Variants in LEPR observed in about 807,000 individuals in gnomAD.
LEPR encodes leptin receptor.
In LEPR, 56 loss-of-function variants were observed where a neutral mutation model predicts 114.7. The observed-to-expected ratio is 0.49, with a 90% CI of 0.39 to 0.61. The LOEUF (loss-of-function observed/expected upper bound fraction) is 0.61, where lower values mean the gene tolerates loss of function less well. Ranked by LOEUF, LEPR falls within the 20% of genes least tolerant of loss-of-function variation. The probability of loss-of-function intolerance (pLI) is 0.00; values close to 1 mark genes in which losing one functional copy is unlikely to be tolerated. For synonymous variants in LEPR, 443 were observed against 461.4 expected (o/e 0.96, Z 0.51); for missense variants, 1,202 against 1,352.9 (o/e 0.89, Z 1.75).
intron 2 of LEPR, among the ~76,000 whole-genome samples, chr1:65,540,287 G>A (rs1651097153): frequency 6.6e-6 from 1 of 152,104 alleles, no homozygotes. Flanking sequence ...TTTGCTAATT[G>A]ATATGGTTTG....
intron 2 of LEPR, among the ~76,000 whole-genome samples, chr1:65,451,545 C>G (rs1049993736): frequency 6.6e-6 from 1 of 152,080 alleles, no homozygotes; most frequent in African/African-American, 2.4e-5. Flanking sequence ...ATCCTTTCCC[C>G]ATTGCTTGTT....
At chr1:65,578,493 C>T (rs1271252405) in intron 5 of LEPR, 2 of 184,710 alleles carry the variant, frequency 1.1e-5, no homozygotes, top group African/African-American at 4.7e-5. Flanking sequence ...GTCTGAGCCA[C>T]AGGAGCTGCC....
At position 65,434,697 on chromosome 1, in the gene LEPR, C is replaced by G. The variant is rs925667026; in HGVS notation, c.-21+9319C>G. 8 of 985,264 alleles carry G rather than the reference C, an allele frequency of 8.1e-6. No homozygotes were observed. In the African/African-American group the frequency reaches 1.2e-4, roughly 15 times the overall value. 61.0% of individuals were successfully genotyped at this position (985,264 alleles called of 1,614,324 possible). A position where few individuals can be genotyped will look rare whatever the true frequency, so the allele number is the denominator to read the frequency against. On this transcript the variant is annotated intron_variant, in intron 2 of 19. Coordinates refer to ENST00000349533, the MANE Select transcript of LEPR (RefSeq NM_002303.6). ...AAGGTCTTTCTCCTTTTAATTTTTCCACTCATTTTCACCTCCTAATGCCCT... is the reference window on the plus strand; with the variant it reads ...AAGGTCTTTCTCCTTTTAATTTTTCGACTCATTTTCACCTCCTAATGCCCT...
chr1:65,456,098 C>T (rs1158263317), intron 2 of LEPR, among the ~76,000 whole-genome samples: 2 of 152,170 alleles, frequency 1.3e-5, no homozygotes, highest in African/African-American at 4.8e-5. Flanking sequence ...CTCCCTGACC[C>T]CTTGCGCTTC....
rs934493415 is a variant in LEPR at position 65,633,260 on chromosome 1, G to A, written c.2674-2931G>A. 2.6e-6 allele frequency: 4 copies of A among 1,556,032 alleles called. No homozygotes were observed. Among genetic ancestry groups the A allele is most frequent in the African/African-American group, 1.4e-5 (1 of 72,554 alleles). On this transcript the variant is annotated intron_variant, in intron 19 of 19. Transcript: ENST00000349533. This position sits in a 1 kb window ranked among gnomAD's most constrained non-coding sequence, Gnocchi z 4.1. ...GAAGATTTTTACATTTTGAAGAAGG[G>A]GAGCAAATCTAAAAAAAATTCAGTT...
intron 2 of LEPR, among the ~76,000 whole-genome samples, chr1:65,472,785 C>T (rs902588058): frequency 5.3e-5 from 8 of 152,072 alleles, no homozygotes; most frequent in African/African-American, 9.7e-5. Context: ...AAAGGATGTG[C>T]GCTTTGCTCA....
At chr1:65,561,453 A>T in intron 2 of LEPR, among the ~76,000 whole-genome samples, 2 of 14,930 alleles carry the variant, frequency 1.3e-4, no homozygotes, top group African/African-American at 4.9e-4. Flanking sequence ...TTTTTTCTTT[A>T]TTAGTCTTGC....
chr1:65,497,505 G>A (rs910849191), intron 2 of LEPR, among the ~76,000 whole-genome samples: 2 of 152,108 alleles, frequency 1.3e-5, no homozygotes, highest in African/African-American at 4.8e-5. Context: ...TGTCCTGCAG[G>A]ATTGCTTTTA....
At chr1:65,463,532 T>C (rs1231238512) in intron 2 of LEPR, among the ~76,000 whole-genome samples, 3 of 152,222 alleles carry the variant, frequency 2.0e-5, no homozygotes, top group African/African-American at 7.2e-5. Flanking sequence ...ATACGAACTT[T>C]ACAGTAGTTT....
chr1:65,602,159 G>A (rs1296906707), intron 10 of LEPR, among the ~76,000 whole-genome samples, 199 bp downstream of exon 10: 2 of 151,938 alleles, frequency 1.3e-5, no homozygotes, highest in Non-Finnish European at 2.9e-5. Flanking sequence ...TTAAAAAATT[G>A]TAATTTGTTT....
In LEPR at chr1:65,618,161, C is replaced by T; in HGVS notation, c.2395+15C>T. On this transcript the variant is annotated intron_variant, in intron 16 of 19. Transcript: ENST00000349533. ...TTATATCCATGGTAAGTTTACTATACTTTAGTAAGTTGCTCTCATGGATTA... is the reference window on the plus strand; with the variant it reads ...TTATATCCATGGTAAGTTTACTATATTTTAGTAAGTTGCTCTCATGGATTA... 1.3e-6 allele frequency: 2 copies of T among 1,588,470 alleles called. No homozygotes were observed.
intron 2 of LEPR, among the ~76,000 whole-genome samples, chr1:65,498,679 TCA>T (rs1337235688): frequency 6.6e-6 from 1 of 152,170 alleles, no homozygotes; most frequent in Non-Finnish European, 1.5e-5. Flanking sequence ...CTCCTAATTC[TCA>T]GTTTCTCCTG....
intron 1 of LEPR, among the ~76,000 whole-genome samples, chr1:65,421,074 C>T (rs1480636328): frequency 6.6e-6 from 1 of 152,238 alleles, no homozygotes; most frequent in Non-Finnish European, 1.5e-5. Context: ...TGACGCCACC[C>T]TAACGCCTTT....
rs555421370 is a variant in LEPR at position 65,504,410 on chromosome 1, G to C, written c.-20-61136G>C. On this transcript the variant is annotated intron_variant, in intron 2 of 19. Transcript: ENST00000349533. ...ACACTACCTCAGCCAGGTGATCAAG[G>C]TCAATATTAAAGTGGTAGGTCATGT... is the stretch of plus-strand genomic sequence containing the variant. Among the ~76,000 whole-genome samples the C allele has an allele frequency of 1.5e-3, 233 of 152,272 alleles. 1 individual carries two copies. Among genetic ancestry groups the C allele is most frequent in the African/African-American group, 5.5e-3 (228 of 41,564 alleles).
intron 2 of LEPR, among the ~76,000 whole-genome samples, chr1:65,550,380 A>C (rs1287269070): frequency 6.6e-6 from 1 of 152,190 alleles, no homozygotes; most frequent in Non-Finnish European, 1.5e-5. Flanking sequence ...TGCAGAGGTT[A>C]CTGCTGTCTT....
intron 19 of LEPR, among the ~76,000 whole-genome samples, chr1:65,628,690 C>T (rs1295095876): frequency 6.6e-6 from 1 of 152,060 alleles, no homozygotes; most frequent in African/African-American, 2.4e-5. Flanking sequence ...ATTTATTCCT[C>T]TACTGGTGGA....
At chr1:65,445,254 GC>G (rs1395947857) in intron 2 of LEPR, among the ~76,000 whole-genome samples, 1 of 152,214 alleles carries the variant, frequency 6.6e-6, no homozygotes, top group Non-Finnish European at 1.5e-5. Context: ...GATTGTAAAT[GC>G]TGCTCCTGGC....
intron 2 of LEPR, among the ~76,000 whole-genome samples, chr1:65,509,402 G>GT (rs2100548690): frequency 6.6e-6 from 1 of 152,258 alleles, no homozygotes; most frequent in Non-Finnish European, 1.5e-5. Flanking sequence ...ATGAAAGGAT[G>GT]TTTAATTCTG....
At chr1:65,440,000 C>CAAAAAAAAAAAAAAAA (rs550347312) in intron 2 of LEPR, among the ~76,000 whole-genome samples, 7 of 58,138 alleles carry the variant, frequency 1.2e-4, no homozygotes, top group Admixed American at 2.5e-4. Flanking sequence ...GATTCTGTCT[C>CAAAAAAAAAAAAAAAA]AAAAAAAAAA....
Sources: gnomAD v4.1 joint callset for allele counts (sites outside exome capture counted in the v4.1 genomes callset) on GRCh38, gnomAD v4.1.1 for gene constraint, Gnocchi (gnomAD v3.1) non-coding constraint, MANE v1.5 for transcripts, NCBI Gene and HGNC (gene_info 2026-07-23, HGNC 2026-07-21) for gene names.